CAPN2: variants seen among roughly 807,000 people sequenced by gnomAD.
The protein encoded by CAPN2 is calpain 2.
CAPN2 carries 92 observed loss-of-function variants against 102.3 expected under a neutral mutation model. The observed-to-expected ratio is 0.90, with a 90% CI of 0.76 to 1.07. The LOEUF is 1.07. Ranked by LOEUF, CAPN2 falls within the 50% of genes least tolerant of loss-of-function variation. The pLI is 0.00. For missense variants in CAPN2, 800 were observed against 909.4 expected (o/e 0.88, Z 1.55); for synonymous variants, 340 against 355.4 (o/e 0.96, Z 0.49).
chr1:223,767,242 GGTTA>G (rs1475289331), intron 16 of CAPN2, among the ~76,000 whole-genome samples: 7 of 151,794 alleles, frequency 4.6e-5, no homozygotes, highest in Non-Finnish European at 1.0e-4. Flanking sequence ...ACAATGTGCA[GGTTA>G]GTTACATATG....
chr1:223,740,878 C>T (rs996642151), intron 2 of CAPN2, among the ~76,000 whole-genome samples: 6 of 152,128 alleles, frequency 3.9e-5, no homozygotes, highest in Admixed American at 6.5e-5. Context: ...TAGGTGAATT[C>T]GAAATTGACA....
chr1:223,765,879 C>T (rs1303164135), intron 15 of CAPN2, among the ~76,000 whole-genome samples: 1 of 152,206 alleles, frequency 6.6e-6, no homozygotes, highest in Non-Finnish European at 1.5e-5. Context: ...GGACAGGACT[C>T]ACTTAGTGCA....
chr1:223,765,464 A>C (rs1661287819), intron 15 of CAPN2, among the ~76,000 whole-genome samples: 1 of 152,248 alleles, frequency 6.6e-6, no homozygotes, highest in African/African-American at 2.4e-5. Flanking sequence ...TCAGATATGC[A>C]GTCCTCATGA....
chr1:223,772,292 G>C, intron 20 of CAPN2, 53 bp downstream of exon 20: 1 of 1,488,630 alleles, frequency 6.7e-7, no homozygotes, highest in Non-Finnish European at 9.4e-7. Context: ...GGCATGGGGC[G>C]GAAAGGGCTG....
intron 2 of CAPN2, among the ~76,000 whole-genome samples, chr1:223,743,625 G>A (rs998655444): frequency 1.3e-5 from 2 of 152,094 alleles, no homozygotes; most frequent in Non-Finnish European, 2.9e-5. Flanking sequence ...CCAAGTATTC[G>A]TATTATAGCT....
chr1:223,764,152 T>C lies in CAPN2; in HGVS notation c.1635T>C (p.Asp545=). 2.5e-6 allele frequency: 4 copies of C among 1,613,844 alleles called. No homozygotes were observed. The highest frequency in any genetic ancestry group is 3.4e-6 in the Non-Finnish European group (4 of 1,179,726). ...ATGCTCTGGTTATGTGTCCACAGGATGCGGAGATCTCTGCCTTTGAGCTGC... is the reference window on the plus strand; with the variant it reads ...ATGCTCTGGTTATGTGTCCACAGGACGCGGAGATCTCTGCCTTTGAGCTGC... ...RRLFAQLAGE[D]AEISAFELQT... is the part of the protein sequence containing the mutation. The change falls in exon 15 of 21, where the codon GAT becomes GAC. Residue 545 remains aspartate (D), a splice_region_variant and synonymous_variant. Coordinates refer to ENST00000295006, the MANE Select transcript of CAPN2 (RefSeq NM_001748.5).
At chr1:223,742,975 GCCCCCTC>G (rs1660661549) in intron 2 of CAPN2, among the ~76,000 whole-genome samples, 1 of 152,022 alleles carries the variant, frequency 6.6e-6, no homozygotes, top group Non-Finnish European at 1.5e-5. Context: ...CTCTTCCCAG[GCCCCCTC>G]CCCTTTGTTT....
chr1:223,710,961 A>T (rs1659714144), upstream of CAPN2, among the ~76,000 whole-genome samples: 1 of 152,188 alleles, frequency 6.6e-6, no homozygotes. Flanking sequence ...ACATGTCCTC[A>T]GGACTTCCTG....
intron 2 of CAPN2, among the ~76,000 whole-genome samples, chr1:223,743,207 C>A (rs919928960): frequency 6.6e-6 from 1 of 152,216 alleles, no homozygotes; most frequent in African/African-American, 2.4e-5. Flanking sequence ...AGAGAGGGAC[C>A]AGGCTGCCTG....
At chr1:223,772,584 T>C in intron 20 of CAPN2, 1 of 244,218 alleles carries the variant, frequency 4.1e-6, no homozygotes. Flanking sequence ...AAAGAAATCC[T>C]TCAGCTGAAA....
intron 2 of CAPN2, among the ~76,000 whole-genome samples, chr1:223,730,139 C>G (rs1660301379): frequency 6.6e-6 from 1 of 151,268 alleles, no homozygotes; most frequent in South Asian, 2.1e-4. Flanking sequence ...GGGCCACTCT[C>G]AAAGGCAATA....
intron 1 of CAPN2, among the ~76,000 whole-genome samples, chr1:223,704,109 G>A (rs2102765345): frequency 6.6e-6 from 1 of 152,210 alleles, no homozygotes; most frequent in South Asian, 2.1e-4. Context: ...CGGCCAACAT[G>A]GTGAAACCCC....
At chr1:223,722,233 G>A (rs1571784449) in intron 2 of CAPN2, among the ~76,000 whole-genome samples, 2 of 133,660 alleles carry the variant, frequency 1.5e-5, no homozygotes, top group South Asian at 5.0e-4. Context: ...ATATTTAAGT[G>A]TTTTAAATAA....
intron 16 of CAPN2, among the ~76,000 whole-genome samples, chr1:223,768,146 T>A (rs1165643584): frequency 6.6e-6 from 1 of 151,496 alleles, no homozygotes; most frequent in Non-Finnish European, 1.5e-5. Context: ...AGGTTGCCTG[T>A]TCACTCTGAT....
chr1:223,753,304 G>GCCATGAGCTGCTCTATGCACCCCACAC (rs1558073213), intron 9 of CAPN2, among the ~76,000 whole-genome samples: 3 of 152,122 alleles, frequency 2.0e-5, no homozygotes, highest in Non-Finnish European at 4.4e-5. Flanking sequence ...CCACTTCACG[G>GCCATGAGCTGCTCTATGCACCCCACAC]CCATGAGCTG....
chr1:223,771,946 T>C, intron 19 of CAPN2, 21 bp downstream of exon 19: 2 of 1,531,342 alleles, frequency 1.3e-6, no homozygotes, highest in East Asian at 4.5e-5. Flanking sequence ...ATTTGGGGAA[T>C]GACTCATTTC....
rs754991439 is a variant in CAPN2, at chr1:223,717,796, G to GTCACACACAC, written c.272_273insTCACACACAC (p.Ala92HisfsTer16). 4 of 1,614,040 alleles carry GTCACACACAC rather than the reference G, an allele frequency of 2.5e-6. No individual in the cohort carries two copies. The highest frequency in any genetic ancestry group is 3.4e-6 in the Non-Finnish European group (4 of 1,179,978). On this transcript the variant is annotated frameshift_variant, in exon 2 of 21. Transcript: ENST00000295006. LOFTEE classifies it high-confidence loss of function. ...GCTGACCCCCAGTTTATCATTGGAG[G>GTCACACACAC]AGCCACCCGCACAGACATCTGCCAA...
chr1:223,734,599 G>A (rs531512999), intron 2 of CAPN2, among the ~76,000 whole-genome samples: 31 of 151,492 alleles, frequency 2.0e-4, no homozygotes, highest in Non-Finnish European at 3.7e-4. Context: ...ACTGACCCCC[G>A]GCCACAACCC....
chr1:223,733,817 C>T (rs918967597), intron 2 of CAPN2, among the ~76,000 whole-genome samples: 18 of 152,192 alleles, frequency 1.2e-4, no homozygotes, highest in African/African-American at 3.6e-4. Context: ...CAGTGGGTGT[C>T]CCAGAATGGG....
Sources: gnomAD v4.1 joint callset for allele counts (sites outside exome capture counted in the v4.1 genomes callset) on GRCh38, gnomAD v4.1.1 for gene constraint, MANE v1.5 for transcripts, NCBI Gene and HGNC (gene_info 2026-07-23, HGNC 2026-07-21) for gene names.